The following HSD17B11 variants were observed in gnomAD, a reference collection of about 807,000 sequenced individuals.
HSD17B11 encodes the protein hydroxysteroid 17-beta dehydrogenase 11, also known as estradiol 17-beta-dehydrogenase 11.
HSD17B11 carries 22 observed loss-of-function variants against 27.8 expected under a neutral mutation model. The ratio of observed to expected loss-of-function variants is 0.79; its 90% CI spans 0.56 to 1.13. The LOEUF (loss-of-function observed/expected upper bound fraction) is 1.13, where lower values mean the gene tolerates loss of function less well. HSD17B11 is among the 50% of genes most tolerant of loss of function. HSD17B11 has a pLI of 0.00. For synonymous variants in HSD17B11, 117 were observed against 132.8 expected, an observed-to-expected ratio of 0.88 and a Z score of 0.82; for missense variants, 314 against 351.1, an observed-to-expected ratio of 0.89 and a Z score of 0.84.
intron 5 of HSD17B11, among the ~76,000 whole-genome samples, chr4:87,356,537 T>G (rs1735391039): frequency 6.6e-6 from 1 of 152,148 alleles, no homozygotes; most frequent in Non-Finnish European, 1.5e-5. Flanking sequence ...TTCAGAGAAG[T>G]CTAGAAGGAT....
intron 4 of HSD17B11, among the ~76,000 whole-genome samples, chr4:87,362,558 T>G (rs563102272): frequency 6.6e-6 from 1 of 151,986 alleles, no homozygotes; most frequent in East Asian, 1.9e-4. Context: ...ATAAATAAAA[T>G]GAATAAGATT....
At chr4:87,385,706 G>A (rs575017095) in intron 1 of HSD17B11, 1 of 152,038 alleles carries the variant, frequency 6.6e-6, no homozygotes, top group Non-Finnish European at 1.5e-5. Flanking sequence ...ACAAGGTCAG[G>A]ATTCTGGGAA....
chr4:87,366,197 T>A (rs1735611012), intron 4 of HSD17B11: 1 of 152,176 alleles, frequency 6.6e-6, no homozygotes, highest in Admixed American at 6.6e-5. Context: ...AGAGATTCTG[T>A]GTATGAACAT....
At position 87,361,283 on chromosome 4, in the gene HSD17B11, G is replaced by T. The variant is rs1323278065; in HGVS notation, c.558-3867C>A. The stretch of plus-strand genomic sequence containing the variant: ...TCCTCACTGCTACACTCCCACCAGC[G>T]CCATAACTGTTCACAAATGCCCTGG... On this transcript the variant is annotated intron_variant, in intron 4 of 6. Transcript: ENST00000358290. Among the ~76,000 whole-genome samples the T allele has an allele frequency of 1.4e-4, 22 of 152,218 alleles. No individual in the cohort carries two copies. The East Asian group carries it at 4.2e-3, about 29-fold the overall frequency.
chr4:87,377,804 T>A (rs1578044734), intron 2 of HSD17B11, among the ~76,000 whole-genome samples: 1 of 152,310 alleles, frequency 6.6e-6, no homozygotes, highest in African/African-American at 2.4e-5. Flanking sequence ...CTACAGTGTG[T>A]TGGGGGACTG....
At chr4:87,383,815 T>C (rs186412252) in intron 1 of HSD17B11, among the ~76,000 whole-genome samples, 1 of 152,060 alleles carries the variant, frequency 6.6e-6, no homozygotes, top group East Asian at 1.9e-4. Context: ...GTATTGTGCA[T>C]TCTGCAGGCC....
intron 5 of HSD17B11, 112 bp downstream of exon 5, chr4:87,357,167 C>T (rs754369380): frequency 4.4e-6 from 5 of 1,135,284 alleles, no homozygotes; most frequent in Non-Finnish European, 6.1e-6. Flanking sequence ...TCAAAATGAA[C>T]TAAGAGCTTT....
intron 1 of HSD17B11, among the ~76,000 whole-genome samples, chr4:87,390,451 G>A (rs1720429033): frequency 6.6e-6 from 1 of 152,174 alleles, no homozygotes; most frequent in Admixed American, 6.5e-5. Flanking sequence ...CCAACGGCGA[G>A]TATAATCTTT....
chr4:87,384,774 A>C (rs1186966591), intron 1 of HSD17B11, among the ~76,000 whole-genome samples: 6 of 144,124 alleles, frequency 4.2e-5, no homozygotes, highest in Admixed American at 6.7e-5. Flanking sequence ...TTATCAAGAC[A>C]ATATGTGCAC....
rs1462284970 is a variant in HSD17B11 at position 87,382,314 on chromosome 4, C to A, written c.259G>T (p.Val87Phe). Residue 87 changes from valine (V) to phenylalanine (F), a missense_variant, in exon 2 of 7, where the codon GTT becomes TTT. By Grantham distance (50) the Val-to-Phe change is conservative. Coordinates refer to ENST00000358290, the MANE Select transcript of HSD17B11 (RefSeq NM_016245.5). ...AAKCKGLGAK[V>F]HTFVVDCSNR... Reference sequence around the variant, plus strand: ...CTGCAGTCTACCACAAAGGTATGAACCTTGGCACCCAGTCCCTTGCATTTG... The same window carrying A: ...CTGCAGTCTACCACAAAGGTATGAAACTTGGCACCCAGTCCCTTGCATTTG... The A allele has an allele frequency of 2.5e-6, 4 of 1,614,048 alleles. No homozygotes were observed. The highest frequency in any genetic ancestry group is 2.2e-5 in the South Asian group (2 of 91,074).
At chr4:87,364,504 A>C (rs1735582896) in intron 4 of HSD17B11, among the ~76,000 whole-genome samples, 1 of 152,158 alleles carries the variant, frequency 6.6e-6, no homozygotes, top group South Asian at 2.1e-4. Context: ...AATAGTAGTT[A>C]TGGAGGGATA....
Position 87,391,114 on chromosome 4 carries a change from T to TA in HSD17B11, c.-45dup, listed in dbSNP as rs1553961199. 13 of 1,400,114 alleles carry TA rather than the reference T, an allele frequency of 9.3e-6. No individual in the cohort carries two copies. Among genetic ancestry groups the TA allele is most frequent in the Admixed American group, 4.2e-5 (2 of 47,252 alleles). The allele number at this position is 1,400,114 out of a possible 1,614,324, so 86.7% of individuals were successfully genotyped here. A position where few individuals can be genotyped will look rare whatever the true frequency, so the allele number is the denominator to read the frequency against. ...CGTTTGGTGTGTTTTTTTTTTTTTTTACCACTCTAAACTGCTTTTAGAGGG... is the reference window on the plus strand; with the variant it reads ...CGTTTGGTGTGTTTTTTTTTTTTTTTAACCACTCTAAACTGCTTTTAGAGGG... On this transcript the variant is annotated 5_prime_UTR_variant, in exon 1 of 7. Coordinates refer to ENST00000358290, the MANE Select transcript of HSD17B11 (RefSeq NM_016245.5).
At chr4:87,389,643 C>T (rs1720406194) in intron 1 of HSD17B11, among the ~76,000 whole-genome samples, 1 of 152,222 alleles carries the variant, frequency 6.6e-6, no homozygotes, top group South Asian at 2.1e-4. Flanking sequence ...TTGTTGATTG[C>T]TGTCTTCATC....
At chr4:87,388,787 A>G (rs1038459298) in intron 1 of HSD17B11, among the ~76,000 whole-genome samples, 1 of 152,358 alleles carries the variant, frequency 6.6e-6, no homozygotes, top group Non-Finnish European at 1.5e-5. Context: ...TAGGTGCTCA[A>G]TAAATATTTG....
intron 2 of HSD17B11, among the ~76,000 whole-genome samples, chr4:87,376,423 T>G (rs902796943): frequency 3.4e-5 from 5 of 147,922 alleles, no homozygotes; most frequent in African/African-American, 5.0e-5. Context: ...GAGAATCGCT[T>G]GAACCCAGGA....
intron 2 of HSD17B11, among the ~76,000 whole-genome samples, chr4:87,379,930 T>A (rs1720088925): frequency 6.8e-6 from 1 of 146,708 alleles, no homozygotes; most frequent in Non-Finnish European, 1.5e-5. Flanking sequence ...TATTTATATA[T>A]ACTATATAAG....
At chr4:87,358,703 T>C (rs1366685255) in intron 4 of HSD17B11, among the ~76,000 whole-genome samples, 3 of 152,232 alleles carry the variant, frequency 2.0e-5, no homozygotes, top group Non-Finnish European at 4.4e-5. Flanking sequence ...TAAATCTGTA[T>C]GAATTAGCAA....
chr4:87,385,786 G>T (rs2110134353), intron 1 of HSD17B11: 1 of 151,798 alleles, frequency 6.6e-6, no homozygotes, highest in East Asian at 1.9e-4. Context: ...GTGGTGGTGG[G>T]CACCTGTAAT....
At chr4:87,337,670 A>C (rs1735078038) in intron 6 of HSD17B11, among the ~76,000 whole-genome samples, 1 of 152,254 alleles carries the variant, frequency 6.6e-6, no homozygotes, top group African/African-American at 2.4e-5. Context: ...CTTTACAAAA[A>C]GAAACCCGAC....
Sources: allele counts gnomAD v4.1 joint callset (sites outside exome capture counted in the v4.1 genomes callset), GRCh38; gene constraint gnomAD v4.1.1; transcripts MANE v1.5; gene names NCBI Gene and HGNC (gene_info 2026-07-23, HGNC 2026-07-21).